DOCK10: variants seen among roughly 807,000 people sequenced by gnomAD.
The protein encoded by DOCK10 is dedicator of cytokinesis 10, also known as dedicator of cytokinesis protein 10.
A neutral mutation model predicts 280.1 loss-of-function variants in DOCK10; 145 were observed. The ratio of observed to expected loss-of-function variants is 0.52; its 90% CI spans 0.45 to 0.59. The LOEUF is 0.59. Among genes scored for constraint, DOCK10 ranks in the 20% least tolerant of loss-of-function variants. DOCK10 has a pLI of 0.00. For synonymous variants in DOCK10, 915 were observed against 942.2 expected, an observed-to-expected ratio of 0.97 and a Z score of 0.53; for missense variants, 2,368 against 2,651.7, an observed-to-expected ratio of 0.89 and a Z score of 2.35.
intron 4 of DOCK10, among the ~76,000 whole-genome samples, chr2:224,888,675 G>A (rs1329080667): frequency 1.3e-5 from 2 of 151,614 alleles, no homozygotes; most frequent in African/African-American, 2.4e-5. Context: ...GTATATATGT[G>A]TGAATATATA....
intron 1 of DOCK10, among the ~76,000 whole-genome samples, chr2:224,978,897 C>T (rs577882798): frequency 1.3e-5 from 2 of 152,226 alleles, no homozygotes; most frequent in Non-Finnish European, 2.9e-5. Flanking sequence ...TGAATGGCAA[C>T]TTGGTTCTTC....
intron 1 of DOCK10, among the ~76,000 whole-genome samples, chr2:224,978,540 A>T (rs571864607): frequency 2.0e-5 from 3 of 152,236 alleles, no homozygotes; most frequent in Non-Finnish European, 2.9e-5. Flanking sequence ...CCTGTCTACC[A>T]GTGAGATAAG....
chr2:224,776,924 T>C (rs549794478), intron 51 of DOCK10, among the ~76,000 whole-genome samples: 1 of 152,352 alleles, frequency 6.6e-6, no homozygotes, highest in East Asian at 1.9e-4. Context: ...GCTTTCCTTG[T>C]ACAACTTGGA....
chr2:225,017,456 A>T (rs12471032), intron 1 of DOCK10, among the ~76,000 whole-genome samples: 1 of 125,564 alleles, frequency 8.0e-6, no homozygotes, highest in East Asian at 2.6e-4. Flanking sequence ...GAGAGAGAGC[A>T]AGAGCAAGCC....
At chr2:224,880,571 C>T (rs145303762) in intron 7 of DOCK10, among the ~76,000 whole-genome samples, 2 of 152,172 alleles carry the variant, frequency 1.3e-5, no homozygotes, top group African/African-American at 4.8e-5. Context: ...TCCTTTGCAG[C>T]CAGTGCAACT....
At chr2:224,825,942 G>A (rs1574889623) in intron 27 of DOCK10, among the ~76,000 whole-genome samples, 1 of 152,198 alleles carries the variant, frequency 6.6e-6, no homozygotes, top group Non-Finnish European at 1.5e-5. Flanking sequence ...AGGCTTTTGG[G>A]AGTTTTGTTA....
intron 11 of DOCK10, among the ~76,000 whole-genome samples, chr2:224,870,814 C>CCTTTTTTTTTT (rs1559614196): frequency 9.4e-6 from 1 of 106,478 alleles, no homozygotes; most frequent in African/African-American, 5.6e-5. Flanking sequence ...ATGGCCACTC[C>CCTTTTTTTTTT]ATTTTTTTTT....
intron 1 of DOCK10, among the ~76,000 whole-genome samples, chr2:224,933,343 G>A (rs1247164434): frequency 2.6e-5 from 4 of 152,166 alleles, no homozygotes; most frequent in African/African-American, 9.7e-5. Context: ...GCAAATGCAC[G>A]TTCCAGATGT....
At chr2:224,893,634 A>G (rs752090562) in intron 4 of DOCK10, 16 of 457,306 alleles carry the variant, frequency 3.5e-5, no homozygotes, top group South Asian at 2.3e-4. Context: ...TTTCTTCAGT[A>G]TCTTCCTATG....
chr2:224,906,460 C>CATTT (rs145038261), intron 3 of DOCK10, among the ~76,000 whole-genome samples: 3,433 of 152,078 alleles, frequency 0.023, 125 homozygotes, highest in African/African-American at 0.078. Flanking sequence ...TGTTTATCTT[C>CATTT]ATTTATTTAT....
At chr2:224,787,239 T>C (rs781581433) in intron 49 of DOCK10, 36 bp downstream of exon 49, 3 of 1,613,236 alleles carry the variant, frequency 1.9e-6, no homozygotes, top group South Asian at 2.2e-5. Context: ...CAACATAGGA[T>C]ATTTTAATTA....
intron 1 of DOCK10, among the ~76,000 whole-genome samples, chr2:224,985,199 GTCTTA>G (rs1391277807): frequency 6.6e-6 from 1 of 152,140 alleles, no homozygotes; most frequent in South Asian, 2.1e-4. Context: ...CCCTAGTAGG[GTCTTA>G]TCTTATGATT....
At chr2:225,037,969 A>T (rs1476660497) in intron 1 of DOCK10, among the ~76,000 whole-genome samples, 1 of 152,198 alleles carries the variant, frequency 6.6e-6, no homozygotes, top group Non-Finnish European at 1.5e-5. Flanking sequence ...GTTTGTGTTG[A>T]CTTCTTCTCC....
chr2:224,889,939 C>T (rs980569921), intron 4 of DOCK10, among the ~76,000 whole-genome samples: 2 of 152,142 alleles, frequency 1.3e-5, no homozygotes, highest in Admixed American at 1.3e-4. Context: ...CTCCAGGTAC[C>T]CTGTCTGCAG....
intron 41 of DOCK10, among the ~76,000 whole-genome samples, chr2:224,798,707 C>T (rs188376498): frequency 0.012 from 1,841 of 151,672 alleles, 24 homozygotes; most frequent in Admixed American, 0.012. Flanking sequence ...TCATAGCTCA[C>T]GGCAGCCTCC....
chr2:225,027,691 A>G (rs281538), intron 1 of DOCK10, among the ~76,000 whole-genome samples: 152,096 of 152,258 alleles, frequency 1, 75,973 homozygotes, highest in Middle Eastern at 1. Context: ...AAAGCTCCCC[A>G]AGGTCTCCCC....
intron 1 of DOCK10, among the ~76,000 whole-genome samples, chr2:224,990,847 T>A (rs1706108840): frequency 6.6e-6 from 1 of 152,230 alleles, no homozygotes; most frequent in Admixed American, 6.5e-5. Context: ...TCAACTATTC[T>A]GATCACAGTC....
intron 2 of DOCK10, among the ~76,000 whole-genome samples, chr2:224,926,407 A>G (rs574302882): frequency 1.3e-5 from 2 of 152,268 alleles, no homozygotes; most frequent in Non-Finnish European, 2.9e-5. Context: ...GAAGTACACT[A>G]AAGTGTTAGA....
chr2:225,023,403 A>G (rs2106106449), intron 1 of DOCK10, among the ~76,000 whole-genome samples: 1 of 152,270 alleles, frequency 6.6e-6, no homozygotes, highest in East Asian at 1.9e-4. Flanking sequence ...AAATCTCCCA[A>G]GTATACACAA....
Sources: allele counts gnomAD v4.1 joint callset (sites outside exome capture counted in the v4.1 genomes callset), GRCh38; gene constraint gnomAD v4.1.1; transcripts MANE v1.5; gene names NCBI Gene and HGNC (gene_info 2026-07-23, HGNC 2026-07-21).